NEO1: variants seen among roughly 807,000 people sequenced by gnomAD.
The protein encoded by NEO1 is neogenin.
A neutral mutation model predicts 159.7 loss-of-function variants in NEO1; 63 were observed. That is an observed-to-expected ratio of 0.39 (90% confidence interval 0.32 to 0.49). The LOEUF (loss-of-function observed/expected upper bound fraction) is 0.49. Among genes scored for constraint, NEO1 ranks in the 20% least tolerant of loss-of-function variants. The pLI is 0.85. For synonymous variants in NEO1, 633 were observed against 662.0 expected (o/e 0.96, Z 0.67); for missense variants, 1,615 against 1,831.0 (o/e 0.88, Z 2.15).
chr15:73,259,989 G>A (rs987274074), intron 14 of NEO1, among the ~76,000 whole-genome samples: 1 of 152,080 alleles, frequency 6.6e-6, no homozygotes, highest in Non-Finnish European at 1.5e-5. Flanking sequence ...CTCCATTGGG[G>A]CAGAAGAGGT....
At chr15:73,164,282 C>T (rs2034418037) in intron 5 of NEO1, among the ~76,000 whole-genome samples, 1 of 149,254 alleles carries the variant, frequency 6.7e-6, no homozygotes, top group Non-Finnish European at 1.5e-5. Flanking sequence ...CGATTGATCT[C>T]AGCTCATTGC....
At chr15:73,105,716 A>G (rs2070654947) in intron 1 of NEO1, among the ~76,000 whole-genome samples, 1 of 152,088 alleles carries the variant, frequency 6.6e-6, no homozygotes, top group African/African-American at 2.4e-5. Flanking sequence ...TGTCTTGTAG[A>G]ATGTCTCACA....
chr15:73,285,723 TC>T (rs2041919488), intron 23 of NEO1, among the ~76,000 whole-genome samples: 1 of 152,070 alleles, frequency 6.6e-6, no homozygotes, highest in Non-Finnish European at 1.5e-5. Context: ...CTCAGCACAT[TC>T]CCCCTTAGCC....
intron 16 of NEO1, among the ~76,000 whole-genome samples, chr15:73,268,623 A>G (rs2041025923): frequency 6.6e-6 from 1 of 152,250 alleles, no homozygotes; most frequent in South Asian, 2.1e-4. Flanking sequence ...GGTCCATGCC[A>G]TTCCACATTT....
At chr15:73,265,826 T>C (rs927718343) in intron 15 of NEO1, among the ~76,000 whole-genome samples, 12 of 152,044 alleles carry the variant, frequency 7.9e-5, no homozygotes, top group African/African-American at 2.9e-4. Context: ...CTAGGTGAGG[T>C]TTGGCCATTT....
chr15:73,247,136 A>T (rs886500849), intron 9 of NEO1, among the ~76,000 whole-genome samples: 15 of 152,204 alleles, frequency 9.9e-5, no homozygotes, highest in African/African-American at 3.6e-4. Flanking sequence ...TATTTTAGGG[A>T]TGGAGAAGAG....
At chr15:73,292,456 A>G (rs906981216) in intron 25 of NEO1, among the ~76,000 whole-genome samples, 2 of 152,188 alleles carry the variant, frequency 1.3e-5, no homozygotes, top group Non-Finnish European at 2.9e-5. Flanking sequence ...TAAACGTGCC[A>G]TTTCTACAAC....
At chr15:73,146,310 A>G (rs1249671675) in intron 5 of NEO1, among the ~76,000 whole-genome samples, 1 of 152,232 alleles carries the variant, frequency 6.6e-6, no homozygotes, top group Admixed American at 6.5e-5. Context: ...GTATTTGACC[A>G]CAACGGATTG....
chr15:73,136,149 C>A, intron 5 of NEO1, 122 bp downstream of exon 5: 1 of 706,896 alleles, frequency 1.4e-6, no homozygotes, highest in Non-Finnish European at 2.1e-6. Flanking sequence ...AACTCCTAGA[C>A]CAGACTGCTT....
At chr15:73,282,104 TCCTG>T (rs1179270296) in intron 22 of NEO1, among the ~76,000 whole-genome samples, 2 of 152,194 alleles carry the variant, frequency 1.3e-5, no homozygotes, top group African/African-American at 4.8e-5. Flanking sequence ...AAGAGCTTGT[TCCTG>T]CCTCAGGGTC....
chr15:73,294,079 AT>A (rs2042262695), intron 26 of NEO1, among the ~76,000 whole-genome samples: 1 of 152,206 alleles, frequency 6.6e-6, no homozygotes, highest in Admixed American at 6.5e-5. Flanking sequence ...AAACCTCAGG[AT>A]TATTAAAATT....
intron 16 of NEO1, among the ~76,000 whole-genome samples, chr15:73,267,024 C>G (rs1449843971): frequency 3.9e-5 from 6 of 152,100 alleles, no homozygotes; most frequent in Admixed American, 3.9e-4. Flanking sequence ...TTTGGGAGGC[C>G]AAGGCAGGCA....
intron 5 of NEO1, among the ~76,000 whole-genome samples, chr15:73,150,997 A>G (rs2033324953): frequency 6.6e-6 from 1 of 152,142 alleles, no homozygotes; most frequent in African/African-American, 2.4e-5. Context: ...TTTGTTAATG[A>G]GTAGTATTTC....
intron 5 of NEO1, among the ~76,000 whole-genome samples, chr15:73,167,543 A>C (rs1322476694): frequency 1.3e-5 from 2 of 152,234 alleles, no homozygotes. Flanking sequence ...AATTGAAAGT[A>C]GGTCTCAAAA....
At position 73,258,759 on chromosome 15, in the gene NEO1, G is replaced by A. The variant is rs763620950; in HGVS notation, c.2093-7G>A. On this transcript the variant is annotated splice_region_variant and splice_polypyrimidine_tract_variant and intron_variant, in intron 13 of 28. Transcript: ENST00000261908. ...TTTCAGTTGTCTTCTTTGTCATTTG[G>A]TCTCAGGTCTTGATCGGGGGACTGA... 6.2e-7 allele frequency: 1 copy of A among 1,609,314 alleles called. No individual in the cohort carries two copies. Among genetic ancestry groups the A allele is most frequent in the East Asian group, 2.2e-5 (1 of 44,828 alleles).
Position 73,176,572 on chromosome 15 carries a change from A to G in NEO1, c.1170+15A>G. 1 of 1,595,184 alleles carries G rather than the reference A, an allele frequency of 6.3e-7. No homozygotes were observed. The highest frequency in any genetic ancestry group is 1.3e-5 in the African/African-American group (1 of 74,384). ...TTAAGATTGTAGTAAGTATTTTTCA[A>G]AGAAGTGTGTTTATTTCTGTAACCT... On this transcript the variant is annotated intron_variant, in intron 6 of 28. Coordinates refer to ENST00000261908, the MANE Select transcript of NEO1 (RefSeq NM_002499.4).
chr15:73,093,980 A>G (rs2069849769), intron 1 of NEO1, among the ~76,000 whole-genome samples: 1 of 152,160 alleles, frequency 6.6e-6, no homozygotes, highest in African/African-American at 2.4e-5. Context: ...TGGGCACTAC[A>G]ACATGCTCCA....
At chr15:73,099,905 C>G (rs991889563) in intron 1 of NEO1, among the ~76,000 whole-genome samples, 1 of 152,164 alleles carries the variant, frequency 6.6e-6, no homozygotes, top group Non-Finnish European at 1.5e-5. Flanking sequence ...GCTGCTTTTT[C>G]AAGATGTGAG....
In NEO1 at chr15:73,097,474, G is replaced by C. The variant is rs554308506; in HGVS notation, c.131-19066G>C. Among the ~76,000 whole-genome samples the C allele has an allele frequency of 6.0e-5, 9 of 150,792 alleles. No individual in the cohort carries two copies. The South Asian group carries it at 1.9e-3, about 32-fold the overall frequency. On this transcript the variant is annotated intron_variant, in intron 1 of 28. Transcript: ENST00000261908. ...CTCCCAGGTTCAAGCGATTCTGCTG[G>C]CTCAGCCTCCCAGGTAGCTGGGATT...
Sources: gnomAD v4.1 joint callset for allele counts (sites outside exome capture counted in the v4.1 genomes callset) on GRCh38, gnomAD v4.1.1 for gene constraint, MANE v1.5 for transcripts, NCBI Gene and HGNC (gene_info 2026-07-23, HGNC 2026-07-21) for gene names.